SP140L: variants seen among roughly 807,000 people sequenced by gnomAD.
The protein encoded by SP140L is nuclear body protein SP140-like protein.
A neutral mutation model predicts 84.3 loss-of-function variants in SP140L; 64 were observed. The observed-to-expected ratio is 0.76, with a 90% CI of 0.62 to 0.94. The LOEUF is 0.94. Ranked by LOEUF, SP140L falls within the 40% of genes least tolerant of loss-of-function variation. SP140L has a pLI of 0.00. For synonymous variants in SP140L, 242 were observed against 236.9 expected (o/e 1.02, Z -0.20); for missense variants, 628 against 692.5 (o/e 0.91, Z 1.05).
At chr2:230,388,671 A>G in intron 10 of SP140L, 38 bp downstream of exon 10, 1 of 1,515,388 alleles carries the variant, frequency 6.6e-7, no homozygotes, top group East Asian at 2.3e-5. Flanking sequence ...CAATAACTAA[A>G]CATCTAATTT....
intron 2 of SP140L, among the ~76,000 whole-genome samples, chr2:230,344,153 CT>C (rs955978492): frequency 4.0e-4 from 61 of 152,258 alleles, no homozygotes; most frequent in African/African-American, 1.4e-3. Flanking sequence ...GTGTGAGAGT[CT>C]AAGTCTCTTT....
chr2:230,346,534 G>A (rs532579223), intron 2 of SP140L, among the ~76,000 whole-genome samples: 10 of 151,802 alleles, frequency 6.6e-5, no homozygotes, highest in Non-Finnish European at 1.2e-4. Context: ...TTCACTTGAT[G>A]GTGTCCCATA....
intron 2 of SP140L, among the ~76,000 whole-genome samples, chr2:230,356,566 C>G (rs143014852): frequency 0.013 from 1,992 of 152,264 alleles, 44 homozygotes; most frequent in African/African-American, 0.046. Context: ...CAATGGTTGC[C>G]CCCTGAGAGG....
intron 5 of SP140L, among the ~76,000 whole-genome samples, chr2:230,362,393 A>G (rs969649718): frequency 6.6e-6 from 1 of 152,152 alleles, no homozygotes; most frequent in Non-Finnish European, 1.5e-5. Context: ...ATAATTGGTG[A>G]TGGCAGAAGA....
intron 17 of SP140L, 100 bp downstream of exon 17, chr2:230,401,543 G>C: frequency 4.7e-6 from 5 of 1,058,070 alleles, no homozygotes; most frequent in Middle Eastern, 2.6e-4. Flanking sequence ...CACGGGGCAA[G>C]AGCACACGCT....
Position 230,401,012 on chromosome 2 carries a change from T to G in SP140L, c.1371T>G (p.Cys457Trp), listed in dbSNP as rs2062311957. 1 of 1,503,674 alleles carries G rather than the reference T, an allele frequency of 6.7e-7. No homozygotes were observed. The highest frequency in any genetic ancestry group is 1.9e-5 in the Admixed American group (1 of 51,874). The allele number at this position is 1,503,674 out of a possible 1,614,324, so 93.1% of individuals were successfully genotyped here. A position where few individuals can be genotyped will look rare whatever the true frequency, so the allele number is the denominator to read the frequency against. The change falls in exon 16 of 19, where the codon TGT becomes TGG. Residue 457 changes from cysteine (C) to tryptophan (W), a missense_variant. Physicochemically the swap from Cys to Trp is radical, Grantham distance 215 (BLOSUM62 -2). Transcript: ENST00000415673. ...RMKESPGSQQ[C>W]CQESEVLERQ... ...AGGAGTCTCCGGGAAGCCAACAGTG[T>G]TGTCAGGAATCTGAGGTCCTGGAGA...
At chr2:230,356,499 T>C (rs1404284215) in intron 2 of SP140L, among the ~76,000 whole-genome samples, 1 of 152,224 alleles carries the variant, frequency 6.6e-6, no homozygotes, top group Non-Finnish European at 1.5e-5. Context: ...TATGTTTTGC[T>C]CATTTATATG....
At chr2:230,394,621 G>A (rs1287607038) in intron 13 of SP140L, among the ~76,000 whole-genome samples, 1 of 152,182 alleles carries the variant, frequency 6.6e-6, no homozygotes, top group South Asian at 2.1e-4. Flanking sequence ...ACCCAAATGA[G>A]CTGGCAATTT....
rs140235667 is a variant in SP140L at position 230,400,524 on chromosome 2, G to C, written c.1313+282G>C. Reference sequence around the variant, plus strand: ...CCTTTCCTTGAAGTTTTGCAGTAGGGTCTCCTGTCCCAGGGGGTTGAGGAA... The same window carrying C: ...CCTTTCCTTGAAGTTTTGCAGTAGGCTCTCCTGTCCCAGGGGGTTGAGGAA... On this transcript the variant is annotated intron_variant, in intron 15 of 18. Transcript: ENST00000415673. 2.0e-3 allele frequency: 963 copies of C among 482,898 alleles called. 9 individuals are homozygous for C. The highest frequency in any genetic ancestry group is 0.017 in the African/African-American group (900 of 51,550). The allele number at this position is 482,898 out of a possible 1,614,324, so 29.9% of individuals were successfully genotyped here.
chr2:230,390,041 C>T lies in SP140L; in HGVS notation c.964+18C>T. 1 of 1,595,420 alleles carries T rather than the reference C, an allele frequency of 6.3e-7. No individual in the cohort carries two copies. The highest frequency in any genetic ancestry group is 8.6e-7 in the Non-Finnish European group (1 of 1,166,300). On this transcript the variant is annotated intron_variant, in intron 11 of 18. Coordinates refer to ENST00000415673, the MANE Select transcript of SP140L (RefSeq NM_138402.6). The stretch of plus-strand genomic sequence containing the variant: ...GGAACAAGGTGGGTTTCATAGTCTT[C>T]TTTAATTTGCAGCTCCTATCTGAAG...
At position 230,328,828 on chromosome 2, in the gene SP140L, A is replaced by G. The variant is rs1428860631; in HGVS notation, c.104A>G (p.Gln35Arg). Residue 35 changes from glutamine to arginine, a missense_variant, in exon 2 of 19, where the codon CAA becomes CGA. Physicochemically the swap from Gln to Arg is conservative, Grantham distance 43. This residue lies in a region of SP140L where 525 missense variants were observed against 518.4 expected (regional missense o/e 1.01). Transcript: ENST00000415673. ...NHLPAHSQSL[Q>R]RLFTEDQDVD... ...CTTCCTGCACACAGCCAAAGTCTGC[A>G]AAGGTGATGAAGAATTACAATTTGT... 1 of 1,607,456 alleles carries G rather than the reference A, an allele frequency of 6.2e-7. No homozygotes were observed. The highest frequency in any genetic ancestry group is 1.3e-5 in the African/African-American group (1 of 74,934).
chr2:230,383,622 C>T (rs767265974), intron 8 of SP140L, 47 bp downstream of exon 8: 80 of 1,550,680 alleles, frequency 5.2e-5, no homozygotes, highest in Admixed American at 4.0e-4. Flanking sequence ...TTTATTAAGG[C>T]GCTGTCCATT....
chr2:230,398,485 T>G (rs1001072863), intron 14 of SP140L, among the ~76,000 whole-genome samples: 19 of 152,246 alleles, frequency 1.2e-4, no homozygotes, highest in Non-Finnish European at 4.4e-5. Flanking sequence ...TGTGAACATT[T>G]GCTACAAGAA....
intron 2 of SP140L, among the ~76,000 whole-genome samples, chr2:230,349,546 G>A (rs1053027343): frequency 1.3e-5 from 2 of 152,074 alleles, no homozygotes; most frequent in African/African-American, 4.8e-5. Flanking sequence ...GTAATGTTTT[G>A]TCATTTTCAG....
intron 13 of SP140L, among the ~76,000 whole-genome samples, chr2:230,395,331 A>AT (rs940027622): frequency 6.6e-6 from 1 of 152,194 alleles, no homozygotes; most frequent in African/African-American, 2.4e-5. Context: ...TAATGCCAGC[A>AT]TTTTGAGAGG....
rs1050619432 is a variant in SP140L, at chr2:230,335,374, G to A, written c.107+6543G>A. On this transcript the variant is annotated intron_variant, in intron 2 of 18. Transcript: ENST00000415673. ...CTCTGTGCCACTTTGGAAACGTTTGGCCTTTATAATGTACAGTGTTTTCAC... is the reference window on the plus strand; with the variant it reads ...CTCTGTGCCACTTTGGAAACGTTTGACCTTTATAATGTACAGTGTTTTCAC... 3.9e-5 allele frequency among the ~76,000 whole-genome samples: 6 copies of A among 152,168 alleles called. No homozygotes were observed. In the South Asian group the frequency reaches 8.3e-4, roughly 21 times the overall value.
intron 13 of SP140L, among the ~76,000 whole-genome samples, chr2:230,393,893 C>T (rs1014421282): frequency 6.6e-6 from 1 of 152,168 alleles, no homozygotes; most frequent in African/African-American, 2.4e-5. Context: ...ATAGAGCAAA[C>T]GTCTCCTCAC....
At chr2:230,342,492 C>G (rs1178516862) in intron 2 of SP140L, among the ~76,000 whole-genome samples, 1 of 152,214 alleles carries the variant, frequency 6.6e-6, no homozygotes, top group African/African-American at 2.4e-5. Flanking sequence ...CGGAGCTGTT[C>G]CTATTCGGCC....
intron 2 of SP140L, among the ~76,000 whole-genome samples, chr2:230,335,275 T>C (rs1024014864): frequency 2.0e-5 from 3 of 152,240 alleles, no homozygotes; most frequent in African/African-American, 7.2e-5. Context: ...TTCTGATACC[T>C]TGCTTTAAAA....
Sources: gnomAD v4.1 joint callset for allele counts (sites outside exome capture counted in the v4.1 genomes callset) on GRCh38, gnomAD v4.1.1 for gene constraint, gnomAD v4.1.1 regional missense constraint, MANE v1.5 for transcripts, NCBI Gene and HGNC (gene_info 2026-07-23, HGNC 2026-07-21) for gene names.